Variants in CNTN5 observed in about 807,000 individuals in gnomAD.
The protein encoded by CNTN5 is contactin-5.
A neutral mutation model predicts 129.1 loss-of-function variants in CNTN5; 77 were observed. The ratio of observed to expected loss-of-function variants is 0.60; its 90% CI spans 0.50 to 0.72. The LOEUF (loss-of-function observed/expected upper bound fraction) is 0.72, where lower values mean the gene tolerates loss of function less well. CNTN5 is among the 30% of genes least tolerant of loss of function. The probability of loss-of-function intolerance (pLI) is 0.00; values close to 1 mark genes in which losing one functional copy is unlikely to be tolerated. For synonymous variants in CNTN5, 509 were observed against 465.6 expected, an observed-to-expected ratio of 1.09 and a Z score of -1.20; for missense variants, 1,478 against 1,328.8, an observed-to-expected ratio of 1.11 and a Z score of -1.75.
rs544421521 is a variant in CNTN5 at position 99,585,319 on chromosome 11, G to A, written c.55+29050G>A. ...TTCTCTCTTTTTTGACTACATATGTGTGAGAGCAGGGTTTTCTTTAGCTGC... is the reference window on the plus strand; with the variant it reads ...TTCTCTCTTTTTTGACTACATATGTATGAGAGCAGGGTTTTCTTTAGCTGC... On this transcript the variant is annotated intron_variant, in intron 3 of 24. Transcript: ENST00000524871. Among the ~76,000 whole-genome samples the A allele has an allele frequency of 3.5e-4, 53 of 152,262 alleles. 1 individual carries two copies. The South Asian group carries it at 0.01, about 29-fold the overall frequency.
chr11:99,527,062 T>C (rs953756864), intron 2 of CNTN5, among the ~76,000 whole-genome samples: 8 of 152,234 alleles, frequency 5.3e-5, no homozygotes, highest in African/African-American at 1.9e-4. Flanking sequence ...TCTCCTGAGA[T>C]CCACTGCCCT....
intron 23 of CNTN5, among the ~76,000 whole-genome samples, chr11:100,343,100 A>T (rs1952202307): frequency 6.6e-6 from 1 of 152,180 alleles, no homozygotes; most frequent in African/African-American, 2.4e-5. Context: ...TACAATTTTT[A>T]AAATTTTAAC....
intron 18 of CNTN5, among the ~76,000 whole-genome samples, chr11:100,280,862 G>C (rs985448729): frequency 6.6e-6 from 1 of 151,944 alleles, no homozygotes; most frequent in South Asian, 2.1e-4. Flanking sequence ...TTGCTTTGAG[G>C]TTACCACGAG....
intron 3 of CNTN5, among the ~76,000 whole-genome samples, chr11:99,635,587 A>G (rs1951521377): frequency 6.6e-6 from 1 of 151,736 alleles, no homozygotes; most frequent in Non-Finnish European, 1.5e-5. Context: ...CTGAGTAGTA[A>G]CCTCTGCAGG....
At chr11:100,190,298 C>T (rs372024107) in intron 13 of CNTN5, among the ~76,000 whole-genome samples, 12 of 151,998 alleles carry the variant, frequency 7.9e-5, no homozygotes, top group Admixed American at 4.6e-4. Context: ...TTCAGGTTGC[C>T]GGAGTAGGTC....
At chr11:99,960,084 G>C (rs80032803) in intron 8 of CNTN5, among the ~76,000 whole-genome samples, 29 of 152,078 alleles carry the variant, frequency 1.9e-4, no homozygotes, top group African/African-American at 7.0e-4. Context: ...GTTCCATAAG[G>C]TTCTCATAAA....
At chr11:99,979,423 G>A (rs965015226) in intron 8 of CNTN5, among the ~76,000 whole-genome samples, 7 of 152,316 alleles carry the variant, frequency 4.6e-5, no homozygotes, top group East Asian at 1.9e-4. Context: ...ATTGCAGACA[G>A]AGGGAAAAAC....
intron 3 of CNTN5, among the ~76,000 whole-genome samples, chr11:99,751,125 T>G (rs1944219836): frequency 6.6e-6 from 1 of 151,884 alleles, no homozygotes; most frequent in African/African-American, 2.4e-5. Flanking sequence ...TTGTCTAAGG[T>G]CAGGAGTTCG....
chr11:99,206,835 ACTTTT>A (rs1406753554), intron 1 of CNTN5, among the ~76,000 whole-genome samples: 10 of 152,062 alleles, frequency 6.6e-5, no homozygotes, highest in Non-Finnish European at 1.5e-4. Flanking sequence ...ATTTTATTTA[ACTTTT>A]CTTTTGGCCA....
At chr11:99,672,175 C>T (rs540680977) in intron 3 of CNTN5, among the ~76,000 whole-genome samples, 3 of 152,248 alleles carry the variant, frequency 2.0e-5, no homozygotes, top group South Asian at 2.1e-4. Flanking sequence ...CTACTCTGCC[C>T]CATCAAAACT....
chr11:99,898,709 T>G (rs544519019), intron 6 of CNTN5, among the ~76,000 whole-genome samples: 9 of 152,192 alleles, frequency 5.9e-5, no homozygotes, highest in South Asian at 4.1e-4. Flanking sequence ...CCGTGATTTT[T>G]TTTTCATTTT....
intron 13 of CNTN5, among the ~76,000 whole-genome samples, chr11:100,084,935 T>A (rs1407636015): frequency 6.6e-6 from 1 of 152,042 alleles, no homozygotes; most frequent in African/African-American, 2.4e-5. Flanking sequence ...GTAGACAGAT[T>A]AATAAGACAA....
chr11:99,029,533 T>C (rs1289454366), intron 1 of CNTN5, among the ~76,000 whole-genome samples: 1 of 151,990 alleles, frequency 6.6e-6, no homozygotes, highest in Admixed American at 6.6e-5. Flanking sequence ...GAAATGGTCA[T>C]TGTGGTGATG....
intron 2 of CNTN5, among the ~76,000 whole-genome samples, chr11:99,543,877 C>T (rs966254390): frequency 3.3e-5 from 4 of 121,608 alleles, no homozygotes; most frequent in Admixed American, 1.2e-4. Flanking sequence ...GCTGAGATTG[C>T]GCCATTGCAC....
At chr11:99,919,576 CTCTT>C (rs1211864670) in intron 7 of CNTN5, among the ~76,000 whole-genome samples, 2 of 152,096 alleles carry the variant, frequency 1.3e-5, no homozygotes, top group Admixed American at 6.6e-5. Context: ...TGTCTCTACT[CTCTT>C]TCTAACAGAT....
chr11:100,131,186 C>A (rs772382794), intron 13 of CNTN5, among the ~76,000 whole-genome samples: 1 of 151,936 alleles, frequency 6.6e-6, no homozygotes, highest in Non-Finnish European at 1.5e-5. Flanking sequence ...TGCAGAGAAG[C>A]AAGAGTGGGT....
chr11:99,896,344 AG>A (rs1211286227), intron 6 of CNTN5, among the ~76,000 whole-genome samples: 4 of 152,194 alleles, frequency 2.6e-5, no homozygotes, highest in African/African-American at 9.7e-5. Context: ...TTCCAGAAGT[AG>A]CTGATAGGCC....
At chr11:100,184,865 A>G (rs183878027) in intron 13 of CNTN5, among the ~76,000 whole-genome samples, 5 of 152,174 alleles carry the variant, frequency 3.3e-5, no homozygotes, top group African/African-American at 1.2e-4. Context: ...TCTCATCTAC[A>G]TTGTAATCCC....
intron 16 of CNTN5, among the ~76,000 whole-genome samples, chr11:100,245,676 C>T (rs140930327): frequency 1.3e-3 from 202 of 152,242 alleles, no homozygotes; most frequent in African/African-American, 4.2e-3. Flanking sequence ...AATTTTTAAT[C>T]TTCTGAAATC....
Sources: allele counts gnomAD v4.1 joint callset (sites outside exome capture counted in the v4.1 genomes callset), GRCh38; gene constraint gnomAD v4.1.1; transcripts MANE v1.5; gene names NCBI Gene and HGNC (gene_info 2026-07-23, HGNC 2026-07-21).